The following CTNNA2 variants were observed in gnomAD, a reference collection of about 807,000 sequenced individuals.
CTNNA2 encodes catenin alpha-2.
A neutral mutation model predicts 101.0 loss-of-function variants in CTNNA2; 42 were observed. The ratio of observed to expected loss-of-function variants is 0.42; its 90% CI spans 0.32 to 0.54. The LOEUF is 0.54. CTNNA2 is among the 20% of genes least tolerant of loss of function. CTNNA2 has a pLI of 0.14. For synonymous variants in CTNNA2, 450 were observed against 456.4 expected (o/e 0.99, Z 0.18); for missense variants, 871 against 1,223.1 (o/e 0.71, Z 4.29).
intron 3 of CTNNA2, among the ~76,000 whole-genome samples, chr2:79,759,645 C>A (rs1296043780): frequency 6.6e-6 from 1 of 152,098 alleles, no homozygotes; most frequent in Admixed American, 6.6e-5. Flanking sequence ...TTCTACAATA[C>A]CTCCTTTCCC....
At chr2:79,702,339 C>A (rs1424220663) in intron 2 of CTNNA2, among the ~76,000 whole-genome samples, 1 of 152,038 alleles carries the variant, frequency 6.6e-6, no homozygotes. Context: ...CATAGCCATA[C>A]CCACTTTATT....
intron 2 of CTNNA2, among the ~76,000 whole-genome samples, chr2:79,724,814 CAAAAAA>C (rs60016527): frequency 8.1e-5 from 6 of 74,102 alleles, no homozygotes; most frequent in African/African-American, 1.6e-4. Flanking sequence ...GACTCCACCT[CAAAAAA>C]AAAAAAAAAA....
chr2:80,532,509 G>A (rs921478520), intron 9 of CTNNA2, among the ~76,000 whole-genome samples: 4 of 152,146 alleles, frequency 2.6e-5, no homozygotes, highest in African/African-American at 9.7e-5. Context: ...GCTCCAAAGT[G>A]CAAGAGTAAT....
chr2:79,285,826 G>A (rs1475529499), intron 2 of CTNNA2, among the ~76,000 whole-genome samples: 48 of 147,174 alleles, frequency 3.3e-4, no homozygotes, highest in Non-Finnish European at 3.6e-4. Flanking sequence ...TTTCTGTCTC[G>A]TTGATCTGTC....
intron 2 of CTNNA2, among the ~76,000 whole-genome samples, chr2:79,681,158 T>C (rs1303393163): frequency 6.6e-6 from 1 of 152,100 alleles, no homozygotes; most frequent in East Asian, 1.9e-4. Flanking sequence ...CTGTCTCACA[T>C]ACACACACAA....
intron 2 of CTNNA2, among the ~76,000 whole-genome samples, chr2:79,736,718 G>A (rs1670902524): frequency 6.6e-6 from 1 of 152,082 alleles, no homozygotes; most frequent in African/African-American, 2.4e-5. Context: ...GCCTTCTCTT[G>A]TGTTAGCTGA....
chr2:80,526,691 C>T (rs568536655), intron 9 of CTNNA2, among the ~76,000 whole-genome samples: 3 of 152,210 alleles, frequency 2.0e-5, no homozygotes, highest in South Asian at 4.2e-4. Flanking sequence ...GTACCTTCTT[C>T]GTGTGGTGTT....
At chr2:79,981,093 A>G (rs571962621) in intron 7 of CTNNA2, among the ~76,000 whole-genome samples, 2 of 152,270 alleles carry the variant, frequency 1.3e-5, no homozygotes, top group Admixed American at 1.3e-4. Context: ...CACTGTCAAA[A>G]TGATACATTC....
chr2:80,170,559 T>C (rs1236466850), intron 7 of CTNNA2, among the ~76,000 whole-genome samples: 3 of 152,096 alleles, frequency 2.0e-5, no homozygotes, highest in Admixed American at 6.5e-5. Flanking sequence ...TTACAACCTA[T>C]TGTAGTGTTT....
At chr2:79,617,122 T>G (rs1299174712) in intron 1 of CTNNA2, among the ~76,000 whole-genome samples, 1 of 152,138 alleles carries the variant, frequency 6.6e-6, no homozygotes. Context: ...CAGGCTAGTC[T>G]CGAACTCCTG....
At chr2:80,031,892 C>T (rs1695313317) in intron 7 of CTNNA2, among the ~76,000 whole-genome samples, 1 of 152,150 alleles carries the variant, frequency 6.6e-6, no homozygotes, top group African/African-American at 2.4e-5. Flanking sequence ...ATGCAGACAA[C>T]AACGATTCCA....
chr2:79,569,567 A>G (rs916453200), intron 1 of CTNNA2, among the ~76,000 whole-genome samples: 2 of 152,158 alleles, frequency 1.3e-5, no homozygotes, highest in Admixed American at 1.3e-4. Context: ...TTTGATTTCC[A>G]ACTCACAGGT....
At chr2:79,389,553 T>G (rs918646086) in intron 4 of CTNNA2, among the ~76,000 whole-genome samples, 1 of 152,226 alleles carries the variant, frequency 6.6e-6, no homozygotes, top group Non-Finnish European at 1.5e-5. Flanking sequence ...ATTGTTGTTT[T>G]CAGTTTAATA....
At chr2:79,214,667 G>T (rs1024476720) in intron 2 of CTNNA2, among the ~76,000 whole-genome samples, 9 of 152,048 alleles carry the variant, frequency 5.9e-5, no homozygotes, top group South Asian at 4.1e-4. Flanking sequence ...TGGGTAAGGT[G>T]GGGGGATACG....
At chr2:79,295,041 G>A (rs1675946051) in intron 2 of CTNNA2, among the ~76,000 whole-genome samples, 1 of 151,698 alleles carries the variant, frequency 6.6e-6, no homozygotes, top group South Asian at 2.1e-4. Context: ...GTGTATTTGT[G>A]TATGCTCATC....
chr2:80,627,578 TTTAAG>T (rs1279121966), intron 18 of CTNNA2, among the ~76,000 whole-genome samples: 1 of 152,134 alleles, frequency 6.6e-6, no homozygotes, highest in African/African-American at 2.4e-5. Context: ...TTCTTGTAAA[TTTAAG>T]TTCTTTGTAG....
chr2:80,114,726 C>G (rs1701422403), intron 7 of CTNNA2, among the ~76,000 whole-genome samples: 1 of 152,186 alleles, frequency 6.6e-6, no homozygotes. Flanking sequence ...CATTTTCTAA[C>G]CTACCTTCTC....
intron 7 of CTNNA2, among the ~76,000 whole-genome samples, chr2:79,913,027 T>C (rs939515381): frequency 6.6e-6 from 1 of 152,212 alleles, no homozygotes. Context: ...TGCTCTAGGC[T>C]TCTGGGGATA....
intron 12 of CTNNA2, among the ~76,000 whole-genome samples, chr2:80,559,549 T>A (rs946670659): frequency 4.6e-5 from 7 of 152,354 alleles, no homozygotes; most frequent in South Asian, 4.1e-4. Context: ...TGTCTTGATA[T>A]GAATGCTGAA....
Sources: gnomAD v4.1 joint callset for allele counts (sites outside exome capture counted in the v4.1 genomes callset) on GRCh38, gnomAD v4.1.1 for gene constraint, MANE v1.5 for transcripts, NCBI Gene and HGNC (gene_info 2026-07-23, HGNC 2026-07-21) for gene names.